GPRC5B: variants seen among roughly 807,000 people sequenced by gnomAD.
GPRC5B encodes the protein G protein-coupled receptor class C group 5 member B, also known as G protein-coupled receptor family C group 5 member B.
GPRC5B carries 16 observed loss-of-function variants against 30.1 expected under a neutral mutation model. That is an observed-to-expected ratio of 0.53 (90% CI 0.36 to 0.81). The LOEUF is 0.81. Among genes scored for constraint, GPRC5B ranks in the 30% least tolerant of loss-of-function variants. The pLI is 0.01. For missense variants in GPRC5B, 428 were observed against 544.7 expected, an observed-to-expected ratio of 0.79 and a Z score of 2.13; for synonymous variants, 241 against 239.5, an observed-to-expected ratio of 1.01 and a Z score of -0.06.
chr16:19,858,425 G>A lies in GPRC5B; in HGVS notation c.*2075C>T. 1.6e-6 allele frequency: 1 copy of A among 606,740 alleles called. No individual in the cohort carries two copies. The highest frequency in any genetic ancestry group is 2.0e-5 in the South Asian group (1 of 50,098). The allele number at this position is 606,740 out of a possible 1,614,324, so 37.6% of individuals were successfully genotyped here. ...TTTCCATGGCAGCCATTTGTGCTGT[G>A]CTCACCTTATATGCTTGGACAATAA... On this transcript the variant is annotated 3_prime_UTR_variant, in exon 4 of 4. Coordinates refer to ENST00000300571, the MANE Select transcript of GPRC5B (RefSeq NM_016235.3).
upstream of GPRC5B, chr16:19,885,227 G>GTCC: frequency 7.8e-7 from 1 of 1,288,642 alleles, no homozygotes; most frequent in Non-Finnish European, 1.0e-6. This position sits in a 1 kb window ranked among gnomAD's most constrained non-coding sequence, Gnocchi z 5.3. Flanking sequence ...CGACCCAGGG[G>GTCC]TCCCAGCGCG....
At position 19,872,378 on chromosome 16, in the gene GPRC5B, G is replaced by A. The variant is rs770493151; in HGVS notation, c.468C>T (p.Gly156=). The A allele has an allele frequency of 1.9e-6, 3 of 1,613,468 alleles. No homozygotes were observed. Among genetic ancestry groups the A allele is most frequent in the Non-Finnish European group, 2.5e-6 (3 of 1,179,708 alleles). ...RVRRLVRHGT[G]PAGWQLVGLA... is the part of the protein sequence containing the mutation. ...GGCCCACCAGCTGCCAGCCCGCGGG[G>A]CCCGTGCCATGCCGCACCAGCCTCC... is the stretch of plus-strand genomic sequence containing the variant. The change falls in exon 2 of 4, where the codon GGC becomes GGT. Residue 156 remains glycine (G), a synonymous_variant. Transcript: ENST00000300571. The surrounding 1 kb of genome is among the most constrained non-coding windows in gnomAD (Gnocchi z 5.0).
chr16:19,865,009 A>C (rs2056655661), intron 2 of GPRC5B, among the ~76,000 whole-genome samples: 1 of 142,428 alleles, frequency 7.0e-6, no homozygotes, highest in African/African-American at 2.6e-5. Flanking sequence ...AGCTCAAGTC[A>C]CTCTCTCACC....
At chr16:19,880,796 T>C (rs1294253566) in intron 1 of GPRC5B, among the ~76,000 whole-genome samples, 1 of 152,126 alleles carries the variant, frequency 6.6e-6, no homozygotes, top group Non-Finnish European at 1.5e-5. Context: ...TCCCTTTCAC[T>C]CACGGGAAAG....
At chr16:19,876,944 C>A (rs970712686) in intron 1 of GPRC5B, among the ~76,000 whole-genome samples, 1 of 152,234 alleles carries the variant, frequency 6.6e-6, no homozygotes, top group Non-Finnish European at 1.5e-5. Flanking sequence ...TTATGCTACC[C>A]TTAGCCACAG....
chr16:19,860,386 C>T lies in GPRC5B; in HGVS notation c.*114G>A. 1 of 675,240 alleles carries T rather than the reference C, an allele frequency of 1.5e-6. No homozygotes were observed. 41.8% of individuals were successfully genotyped at this position (675,240 alleles called of 1,614,324 possible). On this transcript the variant is annotated 3_prime_UTR_variant, in exon 4 of 4. Coordinates refer to ENST00000300571, the MANE Select transcript of GPRC5B (RefSeq NM_016235.3). ...CCCTTGGCTAGGATTTCCAAATTTC[C>T]TGGCTGTGAGGCGGCCTGGTTCGGC...
intron 2 of GPRC5B, among the ~76,000 whole-genome samples, chr16:19,871,281 C>CAAAAAAAAAAAAAAAAAAAA (rs71375667): frequency 1.4e-5 from 1 of 70,376 alleles, no homozygotes; most frequent in African/African-American, 6.0e-5. Context: ...GACCCTGTCT[C>CAAAAAAAAAAAAAAAAAAAA]AAAAAAAAAA....
chr16:19,872,551 AC>A lies in GPRC5B; in HGVS notation c.294del (p.Phe99SerfsTer11). The A allele has an allele frequency of 6.2e-7, 1 of 1,614,112 alleles. No homozygotes were observed. The highest frequency in any genetic ancestry group is 8.5e-7 in the Non-Finnish European group (1 of 1,179,970). On this transcript the variant is annotated frameshift_variant, in exon 2 of 4. Transcript: ENST00000300571. LOFTEE classifies it high-confidence loss of function. This position sits in a 1 kb window ranked among gnomAD's most constrained non-coding sequence, Gnocchi z 5.0. The part of the protein sequence containing the change: ...EKKSPVGLHF[L>X]FLLGTLGLFG... ...AAGAGGCCCAGGGTCCCCAGGAGGA[AC>A]AGAAAGTGGAGGCCCACAGGGCTCT...
chr16:19,867,244 C>T (rs1380320099), intron 2 of GPRC5B, among the ~76,000 whole-genome samples: 1 of 152,178 alleles, frequency 6.6e-6, no homozygotes, highest in East Asian at 1.9e-4. Context: ...GTCAGGCATG[C>T]GGGCTCTGGA....
chr16:19,879,668 C>A (rs2056788799), intron 1 of GPRC5B, among the ~76,000 whole-genome samples: 1 of 152,118 alleles, frequency 6.6e-6, no homozygotes, highest in Non-Finnish European at 1.5e-5. Flanking sequence ...CGATAATGTC[C>A]CCACACCACC....
chr16:19,884,627 A>T, intron 1 of GPRC5B, 100 bp downstream of exon 1: 1 of 873,214 alleles, frequency 1.1e-6, no homozygotes, highest in Non-Finnish European at 1.4e-6. Flanking sequence ...GCTTAGAAAA[A>T]CACAAGAAGC....
At chr16:19,864,063 C>G (rs1363084667) in intron 2 of GPRC5B, among the ~76,000 whole-genome samples, 1 of 152,114 alleles carries the variant, frequency 6.6e-6, no homozygotes, top group Non-Finnish European at 1.5e-5. Context: ...CAACTAACAC[C>G]CTACCCACAC....
chr16:19,885,563 C>T, upstream of GPRC5B: 2 of 1,078,032 alleles, frequency 1.9e-6, no homozygotes, highest in South Asian at 2.4e-5. The surrounding 1 kb of genome is among the most constrained non-coding windows in gnomAD (Gnocchi z 5.3). Flanking sequence ...TGGGTCCCTA[C>T]GCAGGATCGC....
At chr16:19,861,437 G>C (rs1043980597) in intron 3 of GPRC5B, among the ~76,000 whole-genome samples, 2 of 152,174 alleles carry the variant, frequency 1.3e-5, no homozygotes, top group African/African-American at 2.4e-5. Flanking sequence ...GTACCCAGCT[G>C]GGGAGGAGTC....
intron 1 of GPRC5B, among the ~76,000 whole-genome samples, chr16:19,883,627 G>A (rs1389976690): frequency 6.6e-6 from 1 of 152,258 alleles, no homozygotes; most frequent in African/African-American, 2.4e-5. Context: ...GGTGCCCCCC[G>A]GCCTGGTGCA....
chr16:19,858,775 T>C lies in GPRC5B; in HGVS notation c.*1725A>G, dbSNP rs1016833604. On this transcript the variant is annotated 3_prime_UTR_variant, in exon 4 of 4. Transcript: ENST00000300571. ...GCACATGCTCTGGGCAGAGGCGGGG[T>C]GCTTCCGGGGAGGTCAGGTGGGGGT... is the stretch of plus-strand genomic sequence containing the variant. 1.8e-5 allele frequency: 7 copies of C among 388,984 alleles called. No individual in the cohort carries two copies. The highest frequency in any genetic ancestry group is 2.7e-5 in the Non-Finnish European group (6 of 222,694). 24.1% of individuals were successfully genotyped at this position (388,984 alleles called of 1,614,324 possible).
intron 2 of GPRC5B, among the ~76,000 whole-genome samples, chr16:19,864,430 C>A (rs894483123): frequency 6.6e-6 from 1 of 152,248 alleles, no homozygotes; most frequent in African/African-American, 2.4e-5. Flanking sequence ...GTATTTTAAT[C>A]TTTTATCACA....
At position 19,860,646 on chromosome 16, in the gene GPRC5B, C is replaced by T. The variant is rs2056613694; in HGVS notation, c.1168-102G>A. ...AACGCGGCAAAAATAAGTTACCTTG[C>T]TTTTACCTAGATGGGTCGAATAATT... On this transcript the variant is annotated intron_variant, in intron 3 of 3. Coordinates refer to ENST00000300571, the MANE Select transcript of GPRC5B (RefSeq NM_016235.3). The T allele has an allele frequency of 4.4e-5, 32 of 735,332 alleles. 2 individuals carry two copies. Among genetic ancestry groups the T allele is most frequent in the South Asian group, 1.3e-4 (8 of 61,984 alleles). The allele number at this position is 735,332 out of a possible 1,614,324, so 45.6% of individuals were successfully genotyped here. A position where few individuals can be genotyped will look rare whatever the true frequency, so the allele number is the denominator to read the frequency against.
In GPRC5B at chr16:19,872,916, T is replaced by C. The variant is rs1424607171; in HGVS notation, c.-1-70A>G. The C allele has an allele frequency of 2.6e-6, 3 of 1,144,324 alleles. No individual in the cohort carries two copies. Among genetic ancestry groups the C allele is most frequent in the Non-Finnish European group, 3.8e-6 (3 of 786,090 alleles). The allele number at this position is 1,144,324 out of a possible 1,614,324, so 70.9% of individuals were successfully genotyped here. A position where few individuals can be genotyped will look rare whatever the true frequency, so the allele number is the denominator to read the frequency against. Reference sequence around the variant, plus strand: ...ATTCATTGGAAGACTCCCCCTCTCCTGACTTCTTGAAGAAGACTCGCCTCA... The same window carrying C: ...ATTCATTGGAAGACTCCCCCTCTCCCGACTTCTTGAAGAAGACTCGCCTCA... On this transcript the variant is annotated intron_variant, in intron 1 of 3. Transcript: ENST00000300571. The surrounding 1 kb of genome is among the most constrained non-coding windows in gnomAD (Gnocchi z 5.0).
Sources: gnomAD v4.1 joint callset for allele counts (sites outside exome capture counted in the v4.1 genomes callset) on GRCh38, gnomAD v4.1.1 for gene constraint, Gnocchi (gnomAD v3.1) non-coding constraint, MANE v1.5 for transcripts, NCBI Gene and HGNC (gene_info 2026-07-23, HGNC 2026-07-21) for gene names.